PEBP4: variants seen among roughly 807,000 people sequenced by gnomAD.
The protein encoded by PEBP4 is phosphatidylethanolamine-binding protein 4.
PEBP4 carries 22 observed loss-of-function variants against 23.9 expected under a neutral mutation model. The ratio of observed to expected loss-of-function variants is 0.92; its 90% CI spans 0.66 to 1.31. PEBP4 has a LOEUF of 1.31. Ranked by LOEUF, PEBP4 falls within the 40% of genes most tolerant of loss-of-function variation. PEBP4 has a pLI of 0.00. For synonymous variants in PEBP4, 112 were observed against 99.3 expected (o/e 1.13, Z -0.76); for missense variants, 324 against 281.7 (o/e 1.15, Z -1.07).
chr8:22,836,262 T>C (rs770041998), intron 3 of PEBP4, among the ~76,000 whole-genome samples: 1 of 152,234 alleles, frequency 6.6e-6, no homozygotes, highest in African/African-American at 2.4e-5. Flanking sequence ...GATCAACACA[T>C]GAAAGACAAG....
At chr8:22,722,933 G>A (rs1372753887) in intron 6 of PEBP4, among the ~76,000 whole-genome samples, 1 of 142,248 alleles carries the variant, frequency 7.0e-6, no homozygotes, top group Non-Finnish European at 1.5e-5. Context: ...CCGCCACGCT[G>A]GGCTAATTTT....
intron 4 of PEBP4, among the ~76,000 whole-genome samples, chr8:22,782,462 G>A (rs373336740): frequency 3.9e-5 from 6 of 152,236 alleles, no homozygotes; most frequent in East Asian, 3.9e-4. Flanking sequence ...GAAAATACCC[G>A]ACCCATCCAT....
At chr8:22,808,167 A>C (rs1806542851) in intron 4 of PEBP4, among the ~76,000 whole-genome samples, 1 of 150,898 alleles carries the variant, frequency 6.6e-6, no homozygotes, top group African/African-American at 2.4e-5. Flanking sequence ...CCATCTATCC[A>C]TGCATCTGTC....
In PEBP4 at chr8:22,786,272, T is replaced by TTTTG. The variant is rs756626141; in HGVS notation, c.357+31361_357+31364dup. On this transcript the variant is annotated intron_variant, in intron 4 of 6. Transcript: ENST00000256404. The stretch of plus-strand genomic sequence containing the variant: ...TAATAGGCTAGGTATATTTCTGTTT[T>TTTTG]TTTGTTTGTTTGTTTGTTTGTTTTT... Among the ~76,000 whole-genome samples, 183 of 152,178 alleles carry TTTTG rather than the reference T, an allele frequency of 1.2e-3. 1 individual carries two copies. The highest frequency in any genetic ancestry group is 3.8e-3 in the African/African-American group (159 of 41,506).
intron 3 of PEBP4, among the ~76,000 whole-genome samples, chr8:22,873,897 G>T (rs1280559005): frequency 6.6e-6 from 1 of 152,162 alleles, no homozygotes; most frequent in Non-Finnish European, 1.5e-5. Flanking sequence ...TGAACTTCAG[G>T]ATTTGTAGGA....
rs772801097 is a variant in PEBP4, at chr8:22,927,634, G to C, written c.81C>G (p.Asn27Lys). 1 of 1,614,066 alleles carries C rather than the reference G, an allele frequency of 6.2e-7. No individual in the cohort carries two copies. Among genetic ancestry groups the C allele is most frequent in the Non-Finnish European group, 8.5e-7 (1 of 1,179,938 alleles). Residue 27 changes from asparagine (N) to lysine (K), a missense_variant, in exon 2 of 7, where the codon AAC becomes AAG. Transcript: ENST00000256404. The part of the protein sequence containing the change: ...MMVVTGDEDE[N>K]SPCAHEALLD... ...AGAGGGCCTCATGGGCACACGGGCT[G>C]TTCTCATCCTCGTCTCCAGTGACCA... is the stretch of plus-strand genomic sequence containing the variant.
chr8:22,743,155 T>C (rs1805034830), intron 4 of PEBP4, among the ~76,000 whole-genome samples: 1 of 152,106 alleles, frequency 6.6e-6, no homozygotes, highest in African/African-American at 2.4e-5. Flanking sequence ...AGTGCTTCCT[T>C]GGGCTACCTG....
At chr8:22,902,975 C>A (rs966702274) in intron 3 of PEBP4, among the ~76,000 whole-genome samples, 1 of 152,104 alleles carries the variant, frequency 6.6e-6, no homozygotes, top group Non-Finnish European at 1.5e-5. Flanking sequence ...AACCTTGGAC[C>A]TTTCTCATTA....
chr8:22,923,402 A>C (rs1028050695), intron 2 of PEBP4, among the ~76,000 whole-genome samples: 1 of 152,150 alleles, frequency 6.6e-6, no homozygotes, highest in Non-Finnish European at 1.5e-5. Flanking sequence ...TCCTGTCTCT[A>C]TAAAACATAG....
chr8:22,750,718 T>C (rs1032073594), intron 4 of PEBP4, among the ~76,000 whole-genome samples: 3 of 152,072 alleles, frequency 2.0e-5, no homozygotes, highest in Non-Finnish European at 2.9e-5. Context: ...CACTTCCCCA[T>C]CCCTAGGGTC....
intron 1 of PEBP4, among the ~76,000 whole-genome samples, chr8:22,935,744 T>A (rs561852433): frequency 1.3e-5 from 2 of 152,244 alleles, no homozygotes; most frequent in African/African-American, 4.8e-5. Flanking sequence ...TAAACATAAA[T>A]AAATTTCATG....
intron 4 of PEBP4, among the ~76,000 whole-genome samples, chr8:22,799,357 C>T (rs1039750510): frequency 4.6e-5 from 7 of 152,198 alleles, no homozygotes; most frequent in Non-Finnish European, 8.8e-5. Flanking sequence ...TAGCCCTTTC[C>T]AGCCTTATTC....
At chr8:22,928,639 C>A (rs1407863489), upstream of PEBP4, among the ~76,000 whole-genome samples, 5 of 151,986 alleles carry the variant, frequency 3.3e-5, no homozygotes, top group Non-Finnish European at 7.4e-5. Context: ...CGGCTTGCAA[C>A]AGGCTTTCCA....
chr8:22,851,307 T>C (rs922841281), intron 3 of PEBP4, among the ~76,000 whole-genome samples: 4 of 152,148 alleles, frequency 2.6e-5, no homozygotes, highest in Non-Finnish European at 4.4e-5. Context: ...GCACCAGTTA[T>C]TGGGGCACTG....
At chr8:22,842,289 CTT>C (rs746315390) in intron 3 of PEBP4, among the ~76,000 whole-genome samples, 4 of 152,012 alleles carry the variant, frequency 2.6e-5, no homozygotes, top group Non-Finnish European at 4.4e-5. Flanking sequence ...TAGATCGTGA[CTT>C]TTAGGAGGGG....
intron 4 of PEBP4, among the ~76,000 whole-genome samples, chr8:22,782,004 T>C (rs73553828): frequency 0.086 from 13,069 of 152,240 alleles, 632 homozygotes; most frequent in African/African-American, 0.11. Flanking sequence ...TCAGCAGCCA[T>C]GGTGGGTGAG....
intron 6 of PEBP4, among the ~76,000 whole-genome samples, chr8:22,722,494 G>T (rs987116531): frequency 1.3e-5 from 2 of 152,234 alleles, no homozygotes; most frequent in East Asian, 3.8e-4. Flanking sequence ...GTTCTGGAGG[G>T]AAAGGTATGA....
intron 4 of PEBP4, among the ~76,000 whole-genome samples, 188 bp from the exon 5 acceptor site, chr8:22,727,408 G>A (rs956858956): frequency 4.6e-5 from 7 of 152,088 alleles, no homozygotes; most frequent in African/African-American, 1.4e-4. Flanking sequence ...TGGGAGACAG[G>A]GCAGTGAGTG....
chr8:22,819,938 G>A (rs1412312241), intron 3 of PEBP4, among the ~76,000 whole-genome samples: 2 of 152,136 alleles, frequency 1.3e-5, no homozygotes, highest in African/African-American at 4.8e-5. Context: ...GATGATGTTT[G>A]TAGACCAATG....
Sources: gnomAD v4.1 joint callset for allele counts (sites outside exome capture counted in the v4.1 genomes callset) on GRCh38, gnomAD v4.1.1 for gene constraint, MANE v1.5 for transcripts, NCBI Gene and HGNC (gene_info 2026-07-23, HGNC 2026-07-21) for gene names.